The following SDC2 variants were observed in gnomAD, a reference collection of about 807,000 sequenced individuals.
The protein encoded by SDC2 is syndecan-2.
SDC2 carries 13 observed loss-of-function variants against 22.2 expected under a neutral mutation model. The observed-to-expected ratio is 0.59, with a 90% CI of 0.38 to 0.93. The LOEUF (loss-of-function observed/expected upper bound fraction) is 0.93, where lower values mean the gene tolerates loss of function less well. SDC2 is among the 40% of genes least tolerant of loss of function. SDC2 has a pLI of 0.00. For synonymous variants in SDC2, 94 were observed against 92.8 expected, an observed-to-expected ratio of 1.01 and a Z score of -0.07; for missense variants, 235 against 246.8, an observed-to-expected ratio of 0.95 and a Z score of 0.32.
chr8:96,575,990 A>C (rs574559951), intron 1 of SDC2, among the ~76,000 whole-genome samples: 13 of 152,086 alleles, frequency 8.5e-5, no homozygotes, highest in African/African-American at 3.1e-4. Flanking sequence ...TTGTCAAAGA[A>C]ACCTTTTCCC....
chr8:96,527,805 G>A (rs1380852171), intron 1 of SDC2, among the ~76,000 whole-genome samples: 4 of 152,132 alleles, frequency 2.6e-5, no homozygotes, highest in Non-Finnish European at 4.4e-5. Flanking sequence ...AGGGATCTGC[G>A]CATATAGTTT....
At chr8:96,597,016 G>A (rs964979) in intron 2 of SDC2, among the ~76,000 whole-genome samples, 46,514 of 151,930 alleles carry the variant, frequency 0.31, 7,544 homozygotes, top group East Asian at 0.58. Flanking sequence ...AGATCCCCTG[G>A]TTCCTTTCCT....
chr8:96,502,272 A>G (rs1286851523), intron 1 of SDC2, among the ~76,000 whole-genome samples: 1 of 152,204 alleles, frequency 6.6e-6, no homozygotes, highest in South Asian at 2.1e-4. Flanking sequence ...CCACAAGAAA[A>G]GTATAGGGGA....
intron 1 of SDC2, among the ~76,000 whole-genome samples, chr8:96,548,432 A>C (rs896154539): frequency 6.6e-6 from 1 of 152,160 alleles, no homozygotes; most frequent in African/African-American, 2.4e-5. Context: ...GGGATTCTCA[A>C]CTGGTAAGAA....
intron 1 of SDC2, among the ~76,000 whole-genome samples, chr8:96,517,036 G>A (rs1205935437): frequency 6.6e-6 from 1 of 152,176 alleles, no homozygotes; most frequent in Non-Finnish European, 1.5e-5. Flanking sequence ...TTGCAAGGTA[G>A]CTGTACCATT....
At chr8:96,587,464 C>T (rs1814706059) in intron 1 of SDC2, among the ~76,000 whole-genome samples, 1 of 152,186 alleles carries the variant, frequency 6.6e-6, no homozygotes, top group South Asian at 2.1e-4. Context: ...TATTCAAGGG[C>T]AAGATCATCT....
At chr8:96,594,926 A>G (rs1222155125) in intron 2 of SDC2, among the ~76,000 whole-genome samples, 1 of 152,196 alleles carries the variant, frequency 6.6e-6, no homozygotes, top group African/African-American at 2.4e-5. Flanking sequence ...GCATGAGGGT[A>G]ACTACTCCCA....
At position 96,515,780 on chromosome 8, in the gene SDC2, C is replaced by G. The variant is rs113452404; in HGVS notation, c.60+21449C>G. On this transcript the variant is annotated intron_variant, in intron 1 of 4. Transcript: ENST00000302190. ...GTCCCGAGAAGTTGATGAATCTTCT[C>G]TCCCAAAGGCGGATATTTTTACCAG... is the stretch of plus-strand genomic sequence containing the variant. Among the ~76,000 whole-genome samples, 1,197 of 152,306 alleles carry G rather than the reference C, an allele frequency of 7.9e-3. 7 individuals carry two copies. Among genetic ancestry groups the G allele is most frequent in the Non-Finnish European group, 0.011 (744 of 68,022 alleles).
chr8:96,533,220 A>G (rs1813695201), intron 1 of SDC2, among the ~76,000 whole-genome samples: 2 of 152,148 alleles, frequency 1.3e-5, no homozygotes, highest in Non-Finnish European at 1.5e-5. Context: ...CAAAGCTTCC[A>G]CAGTGTGGAA....
At chr8:96,533,099 C>T (rs370686320) in intron 1 of SDC2, among the ~76,000 whole-genome samples, 139 of 152,266 alleles carry the variant, frequency 9.1e-4, no homozygotes, top group African/African-American at 3.2e-3. Context: ...CTTGGTCTCG[C>T]TGGCTTCAGG....
At chr8:96,581,580 C>T (rs969722621) in intron 1 of SDC2, among the ~76,000 whole-genome samples, 8 of 151,570 alleles carry the variant, frequency 5.3e-5, no homozygotes, top group Admixed American at 1.3e-4. Flanking sequence ...TGCAGTGAGC[C>T]GAGATTGCAC....
intron 1 of SDC2, among the ~76,000 whole-genome samples, chr8:96,578,004 A>G (rs767444911): frequency 3.3e-5 from 5 of 152,240 alleles, no homozygotes; most frequent in African/African-American, 4.8e-5. Context: ...TTTTACACAA[A>G]TGATAGGACA....
intron 1 of SDC2, among the ~76,000 whole-genome samples, chr8:96,526,942 G>A (rs1339702826): frequency 6.6e-6 from 1 of 152,202 alleles, no homozygotes; most frequent in Non-Finnish European, 1.5e-5. Flanking sequence ...GGAGGTGGTA[G>A]CTCTGTACAA....
At chr8:96,602,976 C>T (rs750604055) in intron 3 of SDC2, among the ~76,000 whole-genome samples, 39 of 152,144 alleles carry the variant, frequency 2.6e-4, no homozygotes, top group Non-Finnish European at 1.8e-4. Flanking sequence ...CTAGGCCGAC[C>T]ATCAGTACTA....
intron 1 of SDC2, among the ~76,000 whole-genome samples, chr8:96,540,340 G>GTGTGTATATATATATATATATA (rs4058341): frequency 7.3e-5 from 9 of 123,668 alleles, no homozygotes; most frequent in Non-Finnish European, 8.3e-5. Flanking sequence ...ATATATATGT[G>GTGTGTATATATATATATATATA]TATATATATA....
chr8:96,532,412 G>GTTTTTTTTTTTTTTTTTT lies in SDC2; in HGVS notation c.60+38087_60+38104dup, dbSNP rs35452131. On this transcript the variant is annotated intron_variant, in intron 1 of 4. Coordinates refer to ENST00000302190, the MANE Select transcript of SDC2 (RefSeq NM_002998.4). ...CCTGAGTCTCTCTGCTTATTGAGGC[G>GTTTTTTTTTTTTTTTTTT]TTTTTTTTTTTTTTTTTTTTTTTGG... is the stretch of plus-strand genomic sequence containing the variant. 5.6e-4 allele frequency among the ~76,000 whole-genome samples: 27 copies of GTTTTTTTTTTTTTTTTTT among 47,944 alleles called. 5 individuals are homozygous for GTTTTTTTTTTTTTTTTTT. Among genetic ancestry groups the GTTTTTTTTTTTTTTTTTT allele is most frequent in the African/African-American group, 2.7e-3 (26 of 9,556 alleles). The allele number at this position is 47,944 out of a possible 152,430, so 31.5% of individuals were successfully genotyped here.
intron 3 of SDC2, among the ~76,000 whole-genome samples, chr8:96,602,981 G>A (rs1815018504): frequency 6.6e-6 from 1 of 152,144 alleles, no homozygotes; most frequent in South Asian, 2.1e-4. Flanking sequence ...CCGACCATCA[G>A]TACTATGTAA....
chr8:96,595,122 T>A (rs1184568770), intron 2 of SDC2, among the ~76,000 whole-genome samples: 2 of 152,214 alleles, frequency 1.3e-5, no homozygotes, highest in Non-Finnish European at 2.9e-5. Flanking sequence ...AGCAGCATGG[T>A]AGGCAAGACT....
chr8:96,540,407 G>A (rs1437266124), intron 1 of SDC2, among the ~76,000 whole-genome samples: 1 of 149,834 alleles, frequency 6.7e-6, no homozygotes, highest in Admixed American at 6.7e-5. Context: ...CTATTCAGAA[G>A]GCTGAGATGG....
Sources: allele counts gnomAD v4.1 joint callset (sites outside exome capture counted in the v4.1 genomes callset), GRCh38; gene constraint gnomAD v4.1.1; transcripts MANE v1.5; gene names NCBI Gene and HGNC (gene_info 2026-07-23, HGNC 2026-07-21).